The following CALCRL variants were observed in gnomAD, a reference collection of about 807,000 sequenced individuals.
CALCRL encodes the protein calcitonin gene-related peptide type 1 receptor.
In CALCRL, 27 loss-of-function variants were observed where a neutral mutation model predicts 60.4. The ratio of observed to expected loss-of-function variants is 0.45; its 90% CI spans 0.33 to 0.62. The LOEUF (loss-of-function observed/expected upper bound fraction) is 0.62, where lower values mean the gene tolerates loss of function less well. Ranked by LOEUF, CALCRL falls within the 20% of genes least tolerant of loss-of-function variation. CALCRL has a pLI of 0.03. For synonymous variants in CALCRL, 190 were observed against 182.6 expected (o/e 1.04, Z -0.33); for missense variants, 424 against 540.7 (o/e 0.78, Z 2.14).
At chr2:187,398,288 G>A (rs1688742455) in intron 1 of CALCRL, among the ~76,000 whole-genome samples, 1 of 151,614 alleles carries the variant, frequency 6.6e-6, no homozygotes, top group South Asian at 2.1e-4. Flanking sequence ...GGAGTCAAAT[G>A]CTATGTGAAA....
At chr2:187,409,674 G>A (rs1689273271) in intron 1 of CALCRL, among the ~76,000 whole-genome samples, 1 of 152,132 alleles carries the variant, frequency 6.6e-6, no homozygotes, top group Admixed American at 6.5e-5. Flanking sequence ...AGGGGAGACA[G>A]GTATTAATCA....
intron 5 of CALCRL, among the ~76,000 whole-genome samples, chr2:187,381,483 A>C (rs1178502262): frequency 1.3e-5 from 2 of 151,602 alleles, no homozygotes; most frequent in Non-Finnish European, 2.9e-5. Context: ...TTTGAGACTG[A>C]GTCTTGCTCT....
rs147555230 is a variant in CALCRL at position 187,373,376 on chromosome 2, G to A, written c.500+5564C>T. Among the ~76,000 whole-genome samples, 99 of 152,084 alleles carry A rather than the reference G, an allele frequency of 6.5e-4. No homozygotes were observed. In the East Asian group the frequency reaches 0.018, roughly 28 times the overall value. On this transcript the variant is annotated intron_variant, in intron 8 of 14. Transcript: ENST00000392370. ...TGAGTAAGCTACACGGTATCTTCTG[G>A]TCATAAAAAAATCTTATTACTTTTG...
At chr2:187,419,740 G>T (rs1390600207) in intron 1 of CALCRL, among the ~76,000 whole-genome samples, 2 of 152,070 alleles carry the variant, frequency 1.3e-5, no homozygotes, top group Non-Finnish European at 2.9e-5. Context: ...TATGTTAACT[G>T]AAGAAAATGC....
chr2:187,427,085 A>G (rs1453439010), intron 1 of CALCRL, among the ~76,000 whole-genome samples: 1 of 152,148 alleles, frequency 6.6e-6, no homozygotes, highest in Non-Finnish European at 1.5e-5. Context: ...AGAATGGGTG[A>G]TACAACACTT....
At chr2:187,367,794 G>T (rs906675184) in intron 8 of CALCRL, among the ~76,000 whole-genome samples, 2 of 151,772 alleles carry the variant, frequency 1.3e-5, no homozygotes, top group Non-Finnish European at 2.9e-5. Context: ...CAGAAAATGG[G>T]GTTTGTGGGT....
intron 12 of CALCRL, among the ~76,000 whole-genome samples, chr2:187,356,237 G>A (rs563329651): frequency 7.3e-4 from 111 of 152,188 alleles, no homozygotes; most frequent in African/African-American, 2.5e-3. Flanking sequence ...GAGGCGTCAC[G>A]CTACCTGACT....
chr2:187,378,695 A>T (rs1048791876), intron 8 of CALCRL, among the ~76,000 whole-genome samples: 2 of 151,980 alleles, frequency 1.3e-5, no homozygotes, highest in African/African-American at 4.8e-5. Flanking sequence ...ATTAGTTTGG[A>T]CTCCCTTCTT....
intron 1 of CALCRL, among the ~76,000 whole-genome samples, chr2:187,404,690 G>A (rs1689039242): frequency 6.7e-6 from 1 of 150,068 alleles, no homozygotes; most frequent in Non-Finnish European, 1.5e-5. Flanking sequence ...CAATAACAAT[G>A]GCAATCTCAA....
chr2:187,389,047 C>CT (rs1331233311), intron 1 of CALCRL, among the ~76,000 whole-genome samples: 1 of 148,366 alleles, frequency 6.7e-6, no homozygotes, highest in Admixed American at 6.8e-5. Context: ...ATATATCATA[C>CT]TTTTCTCTAT....
intron 1 of CALCRL, among the ~76,000 whole-genome samples, chr2:187,438,206 A>G (rs1690733916): frequency 6.6e-6 from 1 of 152,220 alleles, no homozygotes; most frequent in South Asian, 2.1e-4. Flanking sequence ...CATTCATAAT[A>G]TAACTTGTGT....
At chr2:187,385,275 C>A (rs935262487) in intron 4 of CALCRL, among the ~76,000 whole-genome samples, 2 of 151,900 alleles carry the variant, frequency 1.3e-5, no homozygotes, top group Non-Finnish European at 2.9e-5. Context: ...AGAGTCATTC[C>A]ATTTTTTTTT....
chr2:187,403,480 A>C (rs1322212927), intron 1 of CALCRL, among the ~76,000 whole-genome samples: 1 of 151,998 alleles, frequency 6.6e-6, no homozygotes, highest in Admixed American at 6.6e-5. Flanking sequence ...TTTGCAGTTA[A>C]AGAAAGGTGA....
intron 8 of CALCRL, among the ~76,000 whole-genome samples, chr2:187,374,529 AG>A (rs1687663832): frequency 6.6e-6 from 1 of 152,196 alleles, no homozygotes; most frequent in South Asian, 2.1e-4. Flanking sequence ...CCATCATTGA[AG>A]TGTTTGCTTC....
chr2:187,359,368 T>A, intron 10 of CALCRL, 96 bp from the exon 11 acceptor site: 1 of 856,348 alleles, frequency 1.2e-6, no homozygotes, highest in Non-Finnish European at 1.8e-6. Context: ...AAAGATACTC[T>A]AGGAGCAAAA....
intron 1 of CALCRL, among the ~76,000 whole-genome samples, chr2:187,406,325 AT>A (rs1432108004): frequency 2.0e-5 from 3 of 152,064 alleles, no homozygotes; most frequent in Non-Finnish European, 4.4e-5. Flanking sequence ...ACTCTATTTT[AT>A]AAAAATTATT....
At chr2:187,373,243 A>T (rs913032257) in intron 8 of CALCRL, among the ~76,000 whole-genome samples, 26 of 152,192 alleles carry the variant, frequency 1.7e-4, no homozygotes, top group African/African-American at 6.3e-4. Flanking sequence ...GCTTTATAAA[A>T]TTATTTTCGT....
intron 8 of CALCRL, among the ~76,000 whole-genome samples, chr2:187,377,836 G>C (rs1374581795): frequency 6.6e-6 from 1 of 151,922 alleles, no homozygotes; most frequent in African/African-American, 2.4e-5. Context: ...ATAAAATGCT[G>C]TTATAAAAAT....
chr2:187,436,705 C>T (rs1442153992), intron 1 of CALCRL: 1 of 152,178 alleles, frequency 6.6e-6, no homozygotes, highest in Non-Finnish European at 1.5e-5. Flanking sequence ...CTGACATGCC[C>T]ATTGTCCATG....
Sources: allele counts gnomAD v4.1 joint callset (sites outside exome capture counted in the v4.1 genomes callset), GRCh38; gene constraint gnomAD v4.1.1; transcripts MANE v1.5; gene names NCBI Gene and HGNC (gene_info 2026-07-23, HGNC 2026-07-21).